Variants in HLF observed in about 807,000 individuals in gnomAD.
The protein encoded by HLF is hepatic leukemia factor.
In HLF, 3 loss-of-function variants were observed where a neutral mutation model predicts 22.6. The ratio of observed to expected loss-of-function variants is 0.13; its 90% confidence interval spans 0.06 to 0.34. The LOEUF (loss-of-function observed/expected upper bound fraction) is 0.34, where lower values mean the gene tolerates loss of function less well. HLF is among the 10% of genes least tolerant of loss of function. The probability of loss-of-function intolerance (pLI) is 1.00; values close to 1 mark genes in which losing one functional copy is unlikely to be tolerated. For missense variants in HLF, 299 were observed against 389.2 expected (o/e 0.77, Z 1.95); for synonymous variants, 151 against 151.8 (o/e 0.99, Z 0.04).
intron 2 of HLF, among the ~76,000 whole-genome samples, chr17:55,278,881 T>A (rs1369424521): frequency 6.6e-6 from 1 of 152,198 alleles, no homozygotes; most frequent in Admixed American, 6.5e-5. Context: ...GTATTGTTTT[T>A]AAAAGGCCAA....
intron 2 of HLF, among the ~76,000 whole-genome samples, chr17:55,297,174 A>G (rs142279793): frequency 1.2e-3 from 185 of 152,340 alleles, no homozygotes; most frequent in African/African-American, 4.3e-3. Context: ...ACATTAATCC[A>G]TCTTTATTAA....
chr17:55,269,450 C>T (rs2080831897), intron 2 of HLF, among the ~76,000 whole-genome samples: 1 of 152,080 alleles, frequency 6.6e-6, no homozygotes, highest in African/African-American at 2.4e-5. Flanking sequence ...AAATGAATAA[C>T]CCTTCAAAGT....
chr17:55,317,648 A>C (rs756197212), intron 3 of HLF, among the ~76,000 whole-genome samples: 7 of 150,612 alleles, frequency 4.6e-5, no homozygotes, highest in Non-Finnish European at 1.0e-4. Context: ...TAAAGCAGGA[A>C]GCAGAGCTGT....
intron 3 of HLF, among the ~76,000 whole-genome samples, chr17:55,318,296 C>T (rs1454696786): frequency 2.0e-5 from 3 of 152,160 alleles, no homozygotes; most frequent in East Asian, 3.9e-4. Context: ...ACACTCCTTT[C>T]GTCATTCCTG....
intron 2 of HLF, among the ~76,000 whole-genome samples, chr17:55,275,540 G>A (rs560619083): frequency 6.6e-6 from 1 of 152,328 alleles, no homozygotes; most frequent in Non-Finnish European, 1.5e-5. Flanking sequence ...AAACCATAAA[G>A]GTATGTTATG....
chr17:55,311,491 G>A (rs1904827072), intron 2 of HLF, among the ~76,000 whole-genome samples: 1 of 152,068 alleles, frequency 6.6e-6, no homozygotes, highest in East Asian at 1.9e-4. Context: ...GTGACAGAGC[G>A]AGAGTCTGTC....
intron 2 of HLF, among the ~76,000 whole-genome samples, chr17:55,282,248 A>AGTC: frequency 1.3e-5 from 2 of 152,294 alleles, no homozygotes; most frequent in East Asian, 3.9e-4. Context: ...ATATCTTTGG[A>AGTC]GTCTTGCTTC....
intron 2 of HLF, among the ~76,000 whole-genome samples, chr17:55,308,819 C>T (rs1904700791): frequency 6.6e-6 from 1 of 152,208 alleles, no homozygotes; most frequent in South Asian, 2.1e-4. Flanking sequence ...TTATTGTTCA[C>T]TCATCTGTAA....
chr17:55,324,367 C>A lies in HLF; in HGVS notation c.*3488C>A, dbSNP rs1400474951. 2.6e-5 allele frequency: 6 copies of A among 230,256 alleles called. No individual in the cohort carries two copies. The highest frequency in any genetic ancestry group is 8.6e-6 in the Non-Finnish European group (1 of 116,272). 14.3% of individuals were successfully genotyped at this position (230,256 alleles called of 1,614,324 possible). On this transcript the variant is annotated 3_prime_UTR_variant, in exon 4 of 4. Transcript: ENST00000226067. The stretch of plus-strand genomic sequence containing the variant: ...CGGAAGAAGCAAGAATTATCAGTGG[C>A]ACCCTCCCCACTGCCCCCAGTGTAA...
At chr17:55,265,799 C>T (rs2080782168) in intron 1 of HLF, 200 bp downstream of exon 1, 5 of 1,325,738 alleles carry the variant, frequency 3.8e-6, no homozygotes, top group Middle Eastern at 5.6e-4. Context: ...GGGAGGGACC[C>T]CTCCTGAGCT....
At chr17:55,288,107 G>C (rs1476416059) in intron 2 of HLF, among the ~76,000 whole-genome samples, 1 of 152,018 alleles carries the variant, frequency 6.6e-6, no homozygotes, top group African/African-American at 2.4e-5. Flanking sequence ...ATACTTCAGT[G>C]AGCTGTTTTT....
At chr17:55,286,204 C>G (rs573041144) in intron 2 of HLF, among the ~76,000 whole-genome samples, 1 of 152,188 alleles carries the variant, frequency 6.6e-6, no homozygotes, top group Admixed American at 6.5e-5. Context: ...TTCAGCAAGC[C>G]GCCTGGAATG....
At chr17:55,294,590 C>T (rs762228534) in intron 2 of HLF, among the ~76,000 whole-genome samples, 1 of 152,226 alleles carries the variant, frequency 6.6e-6, no homozygotes, top group Admixed American at 6.5e-5. Context: ...AGCAAAGCAT[C>T]CGCAGCTCAG....
At chr17:55,316,186 T>C (rs953389606) in intron 3 of HLF, among the ~76,000 whole-genome samples, 1 of 152,230 alleles carries the variant, frequency 6.6e-6, no homozygotes, top group Non-Finnish European at 1.5e-5. Context: ...TCCAAAATTA[T>C]GCCATGTCTG....
At chr17:55,316,683 G>A (rs1905076520) in intron 3 of HLF, among the ~76,000 whole-genome samples, 1 of 152,194 alleles carries the variant, frequency 6.6e-6, no homozygotes, top group Non-Finnish European at 1.5e-5. Context: ...CTGGCTCCCA[G>A]GTTGTCTTGC....
chr17:55,277,956 T>G (rs927687835), intron 2 of HLF, among the ~76,000 whole-genome samples: 1 of 151,650 alleles, frequency 6.6e-6, no homozygotes, highest in Non-Finnish European at 1.5e-5. Context: ...TTTTCTGACT[T>G]TTACAAACTA....
chr17:55,270,816 G>GT (rs2080847256), intron 2 of HLF, among the ~76,000 whole-genome samples: 1 of 151,990 alleles, frequency 6.6e-6, no homozygotes, highest in South Asian at 2.1e-4. Context: ...GCTAATTTTT[G>GT]TATTTTTAGT....
At chr17:55,309,886 C>T (rs193127887) in intron 2 of HLF, among the ~76,000 whole-genome samples, 1 of 152,166 alleles carries the variant, frequency 6.6e-6, no homozygotes, top group Admixed American at 6.6e-5. Context: ...GACTTTGATG[C>T]AGACATCAAT....
intron 2 of HLF, among the ~76,000 whole-genome samples, chr17:55,299,646 C>T (rs908695274): frequency 6.6e-6 from 1 of 152,212 alleles, no homozygotes; most frequent in African/African-American, 2.4e-5. Flanking sequence ...ACACGTCTAG[C>T]GCACTGCAGC....
Sources: allele counts gnomAD v4.1 joint callset (sites outside exome capture counted in the v4.1 genomes callset), GRCh38; gene constraint gnomAD v4.1.1; transcripts MANE v1.5; gene names NCBI Gene and HGNC (gene_info 2026-07-23, HGNC 2026-07-21).